RNF13: variants seen among roughly 807,000 people sequenced by gnomAD.
RNF13 encodes ring finger protein 13, also known as E3 ubiquitin-protein ligase RNF13.
In RNF13, 19 loss-of-function variants were observed where a neutral mutation model predicts 37.7. The ratio of observed to expected loss-of-function variants is 0.50; its 90% CI spans 0.35 to 0.74. The LOEUF is 0.74. Among genes scored for constraint, RNF13 ranks in the 30% least tolerant of loss-of-function variants. RNF13 has a pLI of 0.01. For missense variants in RNF13, 375 were observed against 453.0 expected (o/e 0.83, Z 1.56); for synonymous variants, 144 against 157.8 (o/e 0.91, Z 0.65).
At chr3:149,854,353 C>G (rs988301593) in intron 3 of RNF13, among the ~76,000 whole-genome samples, 1 of 152,202 alleles carries the variant, frequency 6.6e-6, no homozygotes, top group Non-Finnish European at 1.5e-5. Flanking sequence ...ACACTTCCCT[C>G]TTCAGAGTTA....
intron 3 of RNF13, among the ~76,000 whole-genome samples, chr3:149,870,842 CA>C (rs1204101203): frequency 6.6e-6 from 1 of 151,656 alleles, no homozygotes; most frequent in Admixed American, 6.6e-5. Context: ...GAGAAATTGC[CA>C]AATCCTGTGG....
chr3:149,851,791 A>G (rs939271455), intron 2 of RNF13: 3 of 152,160 alleles, frequency 2.0e-5, no homozygotes, highest in African/African-American at 4.8e-5. Flanking sequence ...TGCTCTCTGT[A>G]TAGCAAATTG....
chr3:149,832,387 G>C lies in RNF13; in HGVS notation c.-16-13624G>C, dbSNP rs537107235. Among the ~76,000 whole-genome samples, 6 of 152,314 alleles carry C rather than the reference G, an allele frequency of 3.9e-5. No homozygotes were observed. The South Asian group carries it at 1.0e-3, about 26-fold the overall frequency. Reference sequence around the variant, plus strand: ...TTATTTGGAAGTGAATTTCCTGAAAGTAATACTGGTCTTAAAAATTCATTG... The same window carrying C: ...TTATTTGGAAGTGAATTTCCTGAAACTAATACTGGTCTTAAAAATTCATTG... On this transcript the variant is annotated intron_variant, in intron 1 of 9. Coordinates refer to ENST00000392894, the MANE Select transcript of RNF13 (RefSeq NM_183381.3).
At chr3:149,838,293 A>G (rs758903491) in intron 1 of RNF13, among the ~76,000 whole-genome samples, 2 of 152,164 alleles carry the variant, frequency 1.3e-5, no homozygotes, top group Non-Finnish European at 2.9e-5. Flanking sequence ...TCTGGTGGAC[A>G]GTGGTCCTCT....
At chr3:149,835,415 T>G (rs1721496846) in intron 1 of RNF13, among the ~76,000 whole-genome samples, 1 of 152,092 alleles carries the variant, frequency 6.6e-6, no homozygotes, top group Non-Finnish European at 1.5e-5. Flanking sequence ...AGTATACACC[T>G]TCACCCCCTC....
intron 3 of RNF13, among the ~76,000 whole-genome samples, chr3:149,866,428 G>T (rs111255942): frequency 0.08 from 12,139 of 152,296 alleles, 711 homozygotes; most frequent in Admixed American, 0.11. Context: ...GTGTAGCAGT[G>T]AGGAAGACCA....
At chr3:149,856,553 C>T (rs542804325) in intron 3 of RNF13, among the ~76,000 whole-genome samples, 50 of 151,458 alleles carry the variant, frequency 3.3e-4, no homozygotes, top group African/African-American at 1.2e-3. Context: ...AAGCCATCCT[C>T]CCACCTCAGG....
intron 4 of RNF13, among the ~76,000 whole-genome samples, chr3:149,877,697 A>G (rs1486334128): frequency 1.3e-5 from 2 of 152,066 alleles, no homozygotes. Flanking sequence ...AAAGTCATTT[A>G]ATATCATTTA....
intron 8 of RNF13, among the ~76,000 whole-genome samples, chr3:149,928,492 T>C (rs1324355295): frequency 1.3e-5 from 2 of 152,194 alleles, no homozygotes; most frequent in Non-Finnish European, 2.9e-5. Flanking sequence ...TGTATGGTTT[T>C]ATTTATGGAC....
rs563047276 is a variant in RNF13 at position 149,926,271 on chromosome 3, G to A, written c.700+5044G>A. Among the ~76,000 whole-genome samples, 15 of 152,250 alleles carry A rather than the reference G, an allele frequency of 9.9e-5. No homozygotes were observed. The East Asian group carries it at 2.9e-3, about 29-fold the overall frequency. ...CTGTCCCCTAGGCTGGAGTGGAGTG[G>A]TGTGATCTCAGCTCACTGCAAGCTC... is the stretch of plus-strand genomic sequence containing the variant. On this transcript the variant is annotated intron_variant, in intron 8 of 9. Coordinates refer to ENST00000392894, the MANE Select transcript of RNF13 (RefSeq NM_183381.3).
intron 1 of RNF13, among the ~76,000 whole-genome samples, chr3:149,816,755 A>C (rs1719498845): frequency 6.6e-6 from 1 of 152,218 alleles, no homozygotes; most frequent in Admixed American, 6.5e-5. Context: ...ATTTTTAGTT[A>C]AGAAGAAACT....
intron 8 of RNF13, among the ~76,000 whole-genome samples, chr3:149,933,331 A>G (rs535184943): frequency 6.7e-6 from 1 of 149,224 alleles, no homozygotes; most frequent in African/African-American, 2.5e-5. Context: ...TAATCTATCT[A>G]GCAAGTGGTT....
chr3:149,952,638 C>G (rs975044495), intron 8 of RNF13, among the ~76,000 whole-genome samples: 3 of 151,320 alleles, frequency 2.0e-5, no homozygotes, highest in Non-Finnish European at 4.4e-5. Context: ...TCGCTCTTGT[C>G]GCCCAGGCTG....
intron 2 of RNF13, among the ~76,000 whole-genome samples, chr3:149,849,663 A>G (rs746119269): frequency 1.6e-4 from 24 of 152,200 alleles, no homozygotes; most frequent in Non-Finnish European, 3.1e-4. Flanking sequence ...CTAATTTACC[A>G]GAGCTTGTTA....
At chr3:149,835,962 T>A (rs1383156924) in intron 1 of RNF13, among the ~76,000 whole-genome samples, 1 of 152,144 alleles carries the variant, frequency 6.6e-6, no homozygotes, top group African/African-American at 2.4e-5. Flanking sequence ...TTAAGGAATC[T>A]CCACATTGTT....
chr3:149,815,010 TAGAC>T (rs1267798922), intron 1 of RNF13, among the ~76,000 whole-genome samples: 1 of 152,144 alleles, frequency 6.6e-6, no homozygotes, highest in Non-Finnish European at 1.5e-5. Flanking sequence ...ATGCAAATCA[TAGAC>T]AGAATCTTGG....
chr3:149,905,368 C>G (rs190026433), intron 6 of RNF13, among the ~76,000 whole-genome samples: 1 of 152,032 alleles, frequency 6.6e-6, no homozygotes, highest in Non-Finnish European at 1.5e-5. Context: ...TATGCTTAAG[C>G]GCTACTTATA....
At position 149,887,924 on chromosome 3, in the gene RNF13, G is replaced by A. The variant is rs747207363; in HGVS notation, c.322-7549G>A. 7.9e-5 allele frequency among the ~76,000 whole-genome samples: 12 copies of A among 152,238 alleles called. 1 individual carries two copies. The South Asian group carries it at 1.9e-3, about 24-fold the overall frequency. On this transcript the variant is annotated intron_variant, in intron 4 of 9. Transcript: ENST00000392894. The stretch of plus-strand genomic sequence containing the variant: ...AGAAGATATTTTAAAATAATATGAA[G>A]CCAAGTTCATACTTGAACATGAAAG...
chr3:149,854,975 T>G (rs1723503007), intron 3 of RNF13, among the ~76,000 whole-genome samples: 1 of 152,292 alleles, frequency 6.6e-6, no homozygotes, highest in Middle Eastern at 3.4e-3. Flanking sequence ...GAATGCGTAG[T>G]GGGTTCAGAA....
Sources: allele counts gnomAD v4.1 joint callset (sites outside exome capture counted in the v4.1 genomes callset), GRCh38; gene constraint gnomAD v4.1.1; transcripts MANE v1.5; gene names NCBI Gene and HGNC (gene_info 2026-07-23, HGNC 2026-07-21).